PARVA: variants seen among roughly 807,000 people sequenced by gnomAD.
The protein encoded by PARVA is alpha-parvin.
Under a neutral mutation model 52.6 loss-of-function variants are expected in PARVA, and 25 were observed. The ratio of observed to expected loss-of-function variants is 0.48; its 90% CI spans 0.35 to 0.66. The LOEUF (loss-of-function observed/expected upper bound fraction) is 0.66. Ranked by LOEUF, PARVA falls within the 30% of genes least tolerant of loss-of-function variation. The pLI is 0.01. For synonymous variants in PARVA, 185 were observed against 179.1 expected, an observed-to-expected ratio of 1.03 and a Z score of -0.26; for missense variants, 373 against 450.9, an observed-to-expected ratio of 0.83 and a Z score of 1.56.
intron 1 of PARVA, among the ~76,000 whole-genome samples, chr11:12,438,859 G>C (rs187561413): frequency 1.3e-5 from 2 of 152,298 alleles, no homozygotes; most frequent in Non-Finnish European, 2.9e-5. Context: ...AGTGCCACAA[G>C]GTTGGCACTC....
chr11:12,393,956 T>C (rs187541065), intron 1 of PARVA, among the ~76,000 whole-genome samples: 77 of 152,304 alleles, frequency 5.1e-4, no homozygotes, highest in African/African-American at 1.9e-3. Context: ...ATAACTATTA[T>C]GTGGTTGCCT....
intron 1 of PARVA, among the ~76,000 whole-genome samples, chr11:12,419,212 AC>A (rs1188529502): frequency 2.0e-5 from 3 of 152,080 alleles, no homozygotes; most frequent in African/African-American, 7.2e-5. Context: ...TTTGTAACCA[AC>A]CTCCTAAACC....
intron 1 of PARVA, among the ~76,000 whole-genome samples, chr11:12,379,027 A>G (rs1939446665): frequency 6.6e-6 from 1 of 152,194 alleles, no homozygotes; most frequent in Non-Finnish European, 1.5e-5. Context: ...TCTTGATGGT[A>G]TGCTAAACAA....
rs60966710 is a variant in PARVA at position 12,393,044 on chromosome 11, GAAAAAAAAAAAAAA to G, written c.136+15271_136+15284del. On this transcript the variant is annotated intron_variant, in intron 1 of 12. Coordinates refer to ENST00000334956, the MANE Select transcript of PARVA (RefSeq NM_018222.5). Reference sequence around the variant, plus strand: ...GGAAACAATTTTAACCCCAAATTGTGAAAAAAAAAAAAAAAAAAAAAAAGAAAGAAAAAAAATAC... The same window carrying G: ...GGAAACAATTTTAACCCCAAATTGTGAAAAAAAAAGAAAGAAAAAAAATAC... Among the ~76,000 whole-genome samples the G allele has an allele frequency of 1.5e-4, 7 of 46,168 alleles. No individual in the cohort carries two copies. In the East Asian group the frequency reaches 1.8e-3, roughly 12 times the overall value. The allele number at this position is 46,168 out of a possible 152,430, so 30.3% of individuals were successfully genotyped here.
intron 1 of PARVA, among the ~76,000 whole-genome samples, chr11:12,400,884 A>G (rs1011376035): frequency 2.0e-5 from 3 of 152,188 alleles, no homozygotes; most frequent in Non-Finnish European, 2.9e-5. Context: ...GATCTGTGCT[A>G]TACTAGCAGT....
Position 12,401,719 on chromosome 11 carries a change from G to A in PARVA, c.136+23936G>A, listed in dbSNP as rs534069763. 7.2e-5 allele frequency among the ~76,000 whole-genome samples: 11 copies of A among 152,282 alleles called. 1 individual carries two copies. The South Asian group carries it at 2.3e-3, about 32-fold the overall frequency. ...TCCAGTGACAGAACAGTAACATTTA[G>A]GGAACAATAGGATTGGGAAACCATG... is the stretch of plus-strand genomic sequence containing the variant. On this transcript the variant is annotated intron_variant, in intron 1 of 12. Coordinates refer to ENST00000334956, the MANE Select transcript of PARVA (RefSeq NM_018222.5).
intron 8 of PARVA, among the ~76,000 whole-genome samples, 153 bp downstream of exon 8, chr11:12,511,686 G>T (rs764755043): frequency 1.3e-5 from 2 of 152,136 alleles, no homozygotes; most frequent in African/African-American, 2.4e-5. Flanking sequence ...GGGAGGGACA[G>T]CTTACTGGCG....
chr11:12,518,231 TG>T, intron 11 of PARVA, among the ~76,000 whole-genome samples: 1 of 152,352 alleles, frequency 6.6e-6, no homozygotes, highest in South Asian at 2.1e-4. Flanking sequence ...AAGGGAGTTT[TG>T]TGCTTCTCCA....
intron 6 of PARVA, among the ~76,000 whole-genome samples, chr11:12,506,596 C>T (rs1482815968): frequency 1.3e-5 from 2 of 152,188 alleles, no homozygotes; most frequent in African/African-American, 4.8e-5. Context: ...ATTTTGAGCT[C>T]AATTATAGGC....
intron 1 of PARVA, among the ~76,000 whole-genome samples, chr11:12,421,749 A>C (rs1940153018): frequency 6.6e-6 from 1 of 152,266 alleles, no homozygotes; most frequent in Non-Finnish European, 1.5e-5. Flanking sequence ...CAATTGTGCA[A>C]ATATAGTTTG....
chr11:12,486,011 GTT>G (rs1483497292), intron 4 of PARVA, among the ~76,000 whole-genome samples: 2 of 152,142 alleles, frequency 1.3e-5, no homozygotes, highest in African/African-American at 2.4e-5. Context: ...ATCCTAGACC[GTT>G]TCCTGAAACA....
Position 12,443,169 on chromosome 11 carries a change from CT to C in PARVA, c.137-30555del, listed in dbSNP as rs1180380526. Among the ~76,000 whole-genome samples, 349 of 78,328 alleles carry C rather than the reference CT, an allele frequency of 4.5e-3. 3 individuals are homozygous for C. Among genetic ancestry groups the C allele is most frequent in the African/African-American group, 0.016 (325 of 19,968 alleles). 51.4% of individuals were successfully genotyped at this position (78,328 alleles called of 152,430 possible). A position where few individuals can be genotyped will look rare whatever the true frequency, so the allele number is the denominator to read the frequency against. On this transcript the variant is annotated intron_variant, in intron 1 of 12. Coordinates refer to ENST00000334956, the MANE Select transcript of PARVA (RefSeq NM_018222.5). Reference sequence around the variant, plus strand: ...AGCCACCATGCCCGGCGCCCCCCTTCTTTTTTTTTTTTTTTTTTTTTGAGAT... The same window carrying C: ...AGCCACCATGCCCGGCGCCCCCCTTCTTTTTTTTTTTTTTTTTTTTGAGAT...
chr11:12,511,600 G>C (rs1941503473), intron 8 of PARVA, 67 bp downstream of exon 8: 1 of 1,536,294 alleles, frequency 6.5e-7, no homozygotes, highest in South Asian at 1.1e-5. Flanking sequence ...TTCCGCAGCA[G>C]CTGGGAGGAA....
At position 12,508,650 on chromosome 11, in the gene PARVA, A is replaced by C. The variant is rs768385686; in HGVS notation, c.716+8A>C. Reference sequence around the variant, plus strand: ...AATAACTGGTAACACAGAGTATGTCAACACCATTGTTGCCAGCGATTCTGT... The same window carrying C: ...AATAACTGGTAACACAGAGTATGTCCACACCATTGTTGCCAGCGATTCTGT... On this transcript the variant is annotated splice_region_variant and intron_variant, in intron 7 of 12. Transcript: ENST00000334956. 1 of 1,593,306 alleles carries C rather than the reference A, an allele frequency of 6.3e-7. No homozygotes were observed. The highest frequency in any genetic ancestry group is 1.1e-5 in the South Asian group (1 of 89,504).
At chr11:12,393,723 T>C (rs1455277860) in intron 1 of PARVA, among the ~76,000 whole-genome samples, 1 of 152,128 alleles carries the variant, frequency 6.6e-6, no homozygotes, top group Non-Finnish European at 1.5e-5. Context: ...AAGAGAAATA[T>C]AATTTTGTTC....
intron 1 of PARVA, among the ~76,000 whole-genome samples, chr11:12,398,542 G>A (rs1384188347): frequency 6.7e-6 from 1 of 149,586 alleles, no homozygotes; most frequent in Non-Finnish European, 1.5e-5. Context: ...ACTTTTATAA[G>A]GGGTTCACAG....
chr11:12,443,991 T>C (rs1453712345), intron 1 of PARVA, among the ~76,000 whole-genome samples: 1 of 152,212 alleles, frequency 6.6e-6, no homozygotes, highest in Non-Finnish European at 1.5e-5. Flanking sequence ...TTTGTAGTAC[T>C]GAACCTGGCT....
chr11:12,417,342 T>C (rs1940081285), intron 1 of PARVA, among the ~76,000 whole-genome samples: 1 of 152,224 alleles, frequency 6.6e-6, no homozygotes, highest in Non-Finnish European at 1.5e-5. Flanking sequence ...ATTAAAAATA[T>C]ACCGCAGTTC....
At chr11:12,517,103 A>C (rs1264160644) in intron 10 of PARVA, among the ~76,000 whole-genome samples, 2 of 152,010 alleles carry the variant, frequency 1.3e-5, no homozygotes, top group African/African-American at 4.8e-5. Flanking sequence ...GTCCCACTCT[A>C]GCCAATCCTG....
Sources: gnomAD v4.1 joint callset for allele counts (sites outside exome capture counted in the v4.1 genomes callset) on GRCh38, gnomAD v4.1.1 for gene constraint, MANE v1.5 for transcripts, NCBI Gene and HGNC (gene_info 2026-07-23, HGNC 2026-07-21) for gene names.